The following CYSTM1 variants were observed in gnomAD, a reference collection of about 807,000 sequenced individuals.
The protein encoded by CYSTM1 is cysteine rich transmembrane module containing 1.
In CYSTM1, 4 loss-of-function variants were observed where a neutral mutation model predicts 13.1. That is an observed-to-expected ratio of 0.31 (90% CI 0.15 to 0.70). The LOEUF is 0.70. Ranked by LOEUF, CYSTM1 falls within the 30% of genes least tolerant of loss-of-function variation. CYSTM1 has a pLI of 0.72. For synonymous variants in CYSTM1, 36 were observed against 42.7 expected, an observed-to-expected ratio of 0.84 and a Z score of 0.62; for missense variants, 96 against 121.6, an observed-to-expected ratio of 0.79 and a Z score of 0.99.
In CYSTM1 at chr5:140,182,199, T is replaced by G. The variant is rs1763968226; in HGVS notation, c.-21+6914T>G. Among the ~76,000 whole-genome samples, 11 of 152,190 alleles carry G rather than the reference T, an allele frequency of 7.2e-5. No individual in the cohort carries two copies. The South Asian group carries it at 2.3e-3, about 32-fold the overall frequency. On this transcript the variant is annotated intron_variant, in intron 1 of 2. Coordinates refer to ENST00000261811, the MANE Select transcript of CYSTM1 (RefSeq NM_032412.4). The stretch of plus-strand genomic sequence containing the variant: ...AGTTGTTTGTCCATGTTCCCCAAGT[T>G]CCACATATCCCACCTGGGGCAATAC...
At chr5:140,196,705 G>A (rs1361128715) in intron 2 of CYSTM1, among the ~76,000 whole-genome samples, 2 of 152,102 alleles carry the variant, frequency 1.3e-5, no homozygotes, top group African/African-American at 4.8e-5. Context: ...TCAGCTTCTG[G>A]GTTTTCTGCT....
At chr5:140,224,055 C>T (rs1764520970) in intron 2 of CYSTM1, among the ~76,000 whole-genome samples, 1 of 152,160 alleles carries the variant, frequency 6.6e-6, no homozygotes, top group South Asian at 2.1e-4. Flanking sequence ...GATCCCTGTA[C>T]GTACTCTCCA....
intron 1 of CYSTM1, among the ~76,000 whole-genome samples, chr5:140,187,594 C>G (rs1457561004): frequency 1.3e-5 from 2 of 152,196 alleles, no homozygotes; most frequent in Non-Finnish European, 2.9e-5. Context: ...TCTCAAACTC[C>G]TAGGCTCAAA....
At position 140,243,315 on chromosome 5, in the gene CYSTM1, A is replaced by G; in HGVS notation, c.198A>G (p.Val66=). The change falls in exon 3 of 3, where the codon GTA becomes GTG. Residue 66 remains valine (V), a synonymous_variant. Coordinates refer to ENST00000261811, the MANE Select transcript of CYSTM1 (RefSeq NM_032412.4). ...QEPPKTTVYV[V]EDQRRDELGP... is the part of the protein sequence containing the mutation. ...CTCTTCTCCCTCCAGTGTATGTGGT[A>G]GAAGACCAAAGAAGAGATGAGCTAG... 3.7e-6 allele frequency: 6 copies of G among 1,613,988 alleles called. No homozygotes were observed. The highest frequency in any genetic ancestry group is 5.1e-6 in the Non-Finnish European group (6 of 1,179,894).
chr5:140,175,360 G>A lies in CYSTM1; in HGVS notation c.-21+75G>A, dbSNP rs1366022572. On this transcript the variant is annotated intron_variant, in intron 1 of 2. Transcript: ENST00000261811. The surrounding 1 kb of genome is among the most constrained non-coding windows in gnomAD (Gnocchi z 4.9). ...CAGGCACGGACAGGGCGCGTCCCCG[G>A]GCTCCCTGGGGAGCGCCCTGAGAAC... 6.6e-6 allele frequency: 1 copy of A among 152,502 alleles called. No homozygotes were observed. Among genetic ancestry groups the A allele is most frequent in the Non-Finnish European group, 1.5e-5 (1 of 68,296 alleles). The allele number at this position is 152,502 out of a possible 1,614,324, so 9.4% of individuals were successfully genotyped here. A position where few individuals can be genotyped will look rare whatever the true frequency, so the allele number is the denominator to read the frequency against.
In CYSTM1 at chr5:140,221,534, A is replaced by T. The variant is rs561665824; in HGVS notation, c.188-21771A>T. Among the ~76,000 whole-genome samples, 28 of 152,332 alleles carry T rather than the reference A, an allele frequency of 1.8e-4. No individual in the cohort carries two copies. In the East Asian group the frequency reaches 4.4e-3, roughly 24 times the overall value. The stretch of plus-strand genomic sequence containing the variant: ...TGTCCTCAAGATTCATCCATGCTGT[A>T]GCGTGTGTCAGGATTTCCTTCCTTT... On this transcript the variant is annotated intron_variant, in intron 2 of 2. Transcript: ENST00000261811.
At chr5:140,221,593 C>T (rs1764493500) in intron 2 of CYSTM1, among the ~76,000 whole-genome samples, 1 of 152,224 alleles carries the variant, frequency 6.6e-6, no homozygotes, top group Non-Finnish European at 1.5e-5. Context: ...CATATTTATA[C>T]CACATTTCGT....
At chr5:140,212,985 A>G (rs6895958) in intron 2 of CYSTM1, among the ~76,000 whole-genome samples, 2,315 of 48,682 alleles carry the variant, frequency 0.048, 106 homozygotes, top group African/African-American at 0.097. Flanking sequence ...AAACAAAAGT[A>G]TATATATATA....
chr5:140,179,954 C>T (rs1430415343), intron 1 of CYSTM1, among the ~76,000 whole-genome samples: 7 of 152,156 alleles, frequency 4.6e-5, no homozygotes, highest in East Asian at 1.9e-4. Flanking sequence ...TGAGTCACCG[C>T]GCCCAGCCTC....
intron 2 of CYSTM1, among the ~76,000 whole-genome samples, chr5:140,232,712 A>G (rs1764631067): frequency 6.6e-6 from 1 of 152,240 alleles, no homozygotes; most frequent in Admixed American, 6.5e-5. Flanking sequence ...AGAAAGGCAG[A>G]CATGTGTGTA....
chr5:140,196,133 A>G (rs984510732), intron 2 of CYSTM1, among the ~76,000 whole-genome samples: 1 of 152,180 alleles, frequency 6.6e-6, no homozygotes, highest in Non-Finnish European at 1.5e-5. Context: ...CTATGAAGTT[A>G]TTCCCATTTT....
rs544990686 is a variant in CYSTM1, at chr5:140,213,536, A to G, written c.187+18884A>G. On this transcript the variant is annotated intron_variant, in intron 2 of 2. Transcript: ENST00000261811. Reference sequence around the variant, plus strand: ...ATGAAGTCTGCAGTAGGGTATTGTAATGTCCTAGGCTTTCACATTCACTCA... The same window carrying G: ...ATGAAGTCTGCAGTAGGGTATTGTAGTGTCCTAGGCTTTCACATTCACTCA... Among the ~76,000 whole-genome samples, 25 of 152,278 alleles carry G rather than the reference A, an allele frequency of 1.6e-4. 1 individual carries two copies. Among genetic ancestry groups the G allele is most frequent in the Admixed American group, 1.6e-3 (24 of 15,298 alleles).
intron 2 of CYSTM1, among the ~76,000 whole-genome samples, chr5:140,206,520 C>T (rs1764299760): frequency 6.6e-6 from 1 of 152,198 alleles, no homozygotes; most frequent in Non-Finnish European, 1.5e-5. Context: ...TCCTTTTCCT[C>T]CTCCTCTCAT....
intron 1 of CYSTM1, among the ~76,000 whole-genome samples, chr5:140,187,485 C>T (rs1412099151): frequency 2.6e-5 from 4 of 152,102 alleles, no homozygotes; most frequent in African/African-American, 7.2e-5. Context: ...CCACCTCAGT[C>T]TCCCCCAGGT....
At position 140,212,889 on chromosome 5, in the gene CYSTM1, C is replaced by T. The variant is rs907189237; in HGVS notation, c.187+18237C>T. Reference sequence around the variant, plus strand: ...GGCTGAGGTGAGAGAATCACTTGAGCCCAGGGAGGTCAAGGCTGCAGTGAG... The same window carrying T: ...GGCTGAGGTGAGAGAATCACTTGAGTCCAGGGAGGTCAAGGCTGCAGTGAG... On this transcript the variant is annotated intron_variant, in intron 2 of 2. Transcript: ENST00000261811. Among the ~76,000 whole-genome samples the T allele has an allele frequency of 2.7e-5, 4 of 150,798 alleles. No individual in the cohort carries two copies. The Admixed American group carries it at 2.7e-4, about 10-fold the overall frequency.
intron 1 of CYSTM1, among the ~76,000 whole-genome samples, chr5:140,177,068 CAAA>C (rs1161281232): frequency 1.1e-5 from 1 of 87,944 alleles, no homozygotes; most frequent in Admixed American, 1.3e-4. Flanking sequence ...GACTCTGTCT[CAAA>C]AAAAAAAAAA....
chr5:140,242,740 C>T (rs890629158), intron 2 of CYSTM1, among the ~76,000 whole-genome samples: 3 of 152,174 alleles, frequency 2.0e-5, no homozygotes, highest in Non-Finnish European at 2.9e-5. Context: ...AGGCTCCAGC[C>T]GCCCCATCCC....
intron 2 of CYSTM1, 139 bp from the exon 3 acceptor site, chr5:140,243,166 A>T (rs2126674832): frequency 1.5e-6 from 1 of 682,764 alleles, no homozygotes; most frequent in East Asian, 2.9e-5. Flanking sequence ...CAGCAGCAGC[A>T]ATGGCAGGAA....
rs1452170742 is a variant in CYSTM1 at position 140,175,195 on chromosome 5, C to CT, written c.-110dup. On this transcript the variant is annotated 5_prime_UTR_variant, in exon 1 of 3. Transcript: ENST00000261811. This position sits in a 1 kb window ranked among gnomAD's most constrained non-coding sequence, Gnocchi z 4.9. ...GGCGCCCGGCTGCTCCTCACTTGCT[C>CT]TGAGACAGGTGCGGCAAGTCTACTG... 6.6e-6 allele frequency: 1 copy of CT among 152,352 alleles called. No homozygotes were observed. Among genetic ancestry groups the CT allele is most frequent in the East Asian group, 1.9e-4 (1 of 5,172 alleles). 9.4% of individuals were successfully genotyped at this position (152,352 alleles called of 1,614,324 possible). A position where few individuals can be genotyped will look rare whatever the true frequency, so the allele number is the denominator to read the frequency against.
Sources: allele counts gnomAD v4.1 joint callset (sites outside exome capture counted in the v4.1 genomes callset), GRCh38; gene constraint gnomAD v4.1.1; non-coding constraint Gnocchi (gnomAD v3.1); transcripts MANE v1.5; gene names NCBI Gene and HGNC (gene_info 2026-07-23, HGNC 2026-07-21).